Variants in ZFHX3 observed in about 807,000 individuals in gnomAD.
ZFHX3 encodes zinc finger homeobox 3, also known as zinc finger homeobox protein 3.
Under a neutral mutation model 279.1 loss-of-function variants are expected in ZFHX3, and 42 were observed. The ratio of observed to expected loss-of-function variants is 0.15; its 90% CI spans 0.12 to 0.19. ZFHX3 has a LOEUF of 0.19. Ranked by LOEUF, ZFHX3 falls within the 10% of genes least tolerant of loss-of-function variation. ZFHX3 has a pLI of 1.00. For missense variants in ZFHX3, 4,981 were observed against 4,754.0 expected, an observed-to-expected ratio of 1.05 and a Z score of -1.40; for synonymous variants, 2,293 against 1,957.8, an observed-to-expected ratio of 1.17 and a Z score of -4.52.
intron 2 of ZFHX3, among the ~76,000 whole-genome samples, chr16:73,602,536 G>C (rs868471629): frequency 6.6e-6 from 1 of 152,154 alleles, no homozygotes; most frequent in Non-Finnish European, 1.5e-5. Flanking sequence ...GTACTTTTAG[G>C]AAGAACTGTG....
At chr16:73,755,642 G>C (rs1409032884) in intron 1 of ZFHX3, among the ~76,000 whole-genome samples, 1 of 152,142 alleles carries the variant, frequency 6.6e-6, no homozygotes, top group Non-Finnish European at 1.5e-5. Context: ...ACTGGGAATT[G>C]TCCTGACAGC....
chr16:73,240,761 GT>G (rs2013097152), intron 5 of ZFHX3, among the ~76,000 whole-genome samples: 1 of 152,170 alleles, frequency 6.6e-6, no homozygotes, highest in Admixed American at 6.5e-5. Flanking sequence ...ATTTCAATGA[GT>G]AGGTGAATTT....
chr16:73,581,144 C>G (rs544894346), intron 2 of ZFHX3, among the ~76,000 whole-genome samples: 92 of 151,174 alleles, frequency 6.1e-4, no homozygotes, highest in Non-Finnish European at 1.1e-3. Flanking sequence ...TTAACTTTCC[C>G]AATTAAGCAA....
At chr16:73,179,132 G>A (rs1967732752) in intron 5 of ZFHX3, among the ~76,000 whole-genome samples, 2 of 152,292 alleles carry the variant, frequency 1.3e-5, no homozygotes, top group Non-Finnish European at 2.9e-5. Context: ...CCAAATTTAT[G>A]TTTACACAGA....
At chr16:73,208,575 A>G (rs538739982) in intron 5 of ZFHX3, among the ~76,000 whole-genome samples, 6 of 152,372 alleles carry the variant, frequency 3.9e-5, no homozygotes, top group African/African-American at 7.2e-5. Context: ...AAATGTTTAT[A>G]AAATAGCATT....
intron 4 of ZFHX3, among the ~76,000 whole-genome samples, chr16:72,852,312 T>C (rs1040226741): frequency 1.3e-5 from 2 of 152,262 alleles, no homozygotes; most frequent in African/African-American, 4.8e-5. Context: ...GCATTTTTTT[T>C]CTAAAAGAGG....
At chr16:73,357,638 T>G (rs1344082669) in intron 3 of ZFHX3, among the ~76,000 whole-genome samples, 1 of 152,160 alleles carries the variant, frequency 6.6e-6, no homozygotes, top group Admixed American at 6.5e-5. Flanking sequence ...GAGCCTAAAA[T>G]GACAGGTTCC....
Position 73,857,824 on chromosome 16 carries a change from G to A in ZFHX3, c.-1608+33827C>T, listed in dbSNP as rs536390630. 2.0e-5 allele frequency among the ~76,000 whole-genome samples: 3 copies of A among 152,230 alleles called. No homozygotes were observed. In the South Asian group the frequency reaches 6.2e-4, roughly 32 times the overall value. On this transcript the variant is annotated intron_variant, in intron 1 of 17. Coordinates refer to the ZFHX3 transcript ENST00000641206. ...TTGCAGAAATCAAAAATATGTCCCT[G>A]GGCCAGGCACGATGGCTCATGCCTA...
intron 2 of ZFHX3, among the ~76,000 whole-genome samples, chr16:73,591,690 C>A: frequency 5.9e-5 from 1 of 17,030 alleles, no homozygotes; most frequent in African/African-American, 1.5e-4. Flanking sequence ...GAGACTCTGT[C>A]TCAAAAAAAA....
chr16:73,632,892 C>G (rs1250953527), intron 2 of ZFHX3, among the ~76,000 whole-genome samples: 1 of 151,978 alleles, frequency 6.6e-6, no homozygotes, highest in Non-Finnish European at 1.5e-5. Flanking sequence ...CTGGCTAACA[C>G]AGTGAAACCC....
chr16:73,791,475 A>G (rs1959822665), intron 1 of ZFHX3, among the ~76,000 whole-genome samples: 1 of 152,030 alleles, frequency 6.6e-6, no homozygotes, highest in African/African-American at 2.4e-5. Context: ...GCCAGGCCGG[A>G]GTGCAGCGGC....
chr16:73,690,069 C>T (rs904796280), intron 1 of ZFHX3, among the ~76,000 whole-genome samples: 11 of 152,182 alleles, frequency 7.2e-5, no homozygotes, highest in African/African-American at 2.7e-4. Flanking sequence ...GTGCACACCA[C>T]ACGTCTGGCT....
intron 1 of ZFHX3, among the ~76,000 whole-genome samples, chr16:73,044,504 T>C (rs1965223615): frequency 6.6e-6 from 1 of 152,218 alleles, no homozygotes; most frequent in Non-Finnish European, 1.5e-5. Flanking sequence ...ATGGAGTTTA[T>C]ATAAGTTTGT....
At chr16:73,590,319 C>A (rs1247401183) in intron 2 of ZFHX3, among the ~76,000 whole-genome samples, 1 of 152,208 alleles carries the variant, frequency 6.6e-6, no homozygotes, top group Non-Finnish European at 1.5e-5. Context: ...TTCCAACCAA[C>A]AGGAACCAGG....
At chr16:73,249,824 T>TCACACACACACACACACACACA (rs143652574) in intron 5 of ZFHX3, among the ~76,000 whole-genome samples, 2 of 148,674 alleles carry the variant, frequency 1.3e-5, no homozygotes, top group African/African-American at 5.0e-5. Context: ...AACAGGCACT[T>TCACACACACACACACACACACA]CACACACACA....
intron 3 of ZFHX3, among the ~76,000 whole-genome samples, chr16:73,372,290 G>T (rs576875201): frequency 6.4e-4 from 96 of 151,160 alleles, no homozygotes; most frequent in Non-Finnish European, 1.2e-3. Flanking sequence ...ATTAAACAAG[G>T]TTTTTTTTTA....
At chr16:73,037,039 C>G (rs2144691224) in intron 1 of ZFHX3, among the ~76,000 whole-genome samples, 1 of 152,250 alleles carries the variant, frequency 6.6e-6, no homozygotes, top group East Asian at 1.9e-4. Context: ...ATAAAAGACC[C>G]TCACCCCACC....
chr16:73,562,595 CAA>C (rs35887424), intron 2 of ZFHX3, among the ~76,000 whole-genome samples: 30 of 102,308 alleles, frequency 2.9e-4, no homozygotes, highest in South Asian at 7.4e-4. Flanking sequence ...GACTCCGTCT[CAA>C]AAAAAAAAAA....
chr16:73,201,736 A>G (rs1447392961), intron 5 of ZFHX3, among the ~76,000 whole-genome samples: 1 of 152,208 alleles, frequency 6.6e-6, no homozygotes, highest in Non-Finnish European at 1.5e-5. Flanking sequence ...AAGATTCACT[A>G]TTTTTGTTTC....
Sources: gnomAD v4.1 joint callset for allele counts (sites outside exome capture counted in the v4.1 genomes callset) on GRCh38, gnomAD v4.1.1 for gene constraint, MANE v1.5 for transcripts, NCBI Gene and HGNC (gene_info 2026-07-23, HGNC 2026-07-21) for gene names.